The following MCF2 variants were observed in gnomAD, a reference collection of about 807,000 sequenced individuals.
MCF2 encodes proto-oncogene DBL.
A neutral mutation model predicts 82.5 loss-of-function variants in MCF2; 44 were observed. The ratio of observed to expected loss-of-function variants is 0.53; its 90% CI spans 0.42 to 0.69. The LOEUF (loss-of-function observed/expected upper bound fraction) is 0.69, where lower values mean the gene tolerates loss of function less well. Ranked by LOEUF, MCF2 falls within the 30% of genes least tolerant of loss-of-function variation. The pLI is 0.00. For missense variants in MCF2, 623 were observed against 663.1 expected (o/e 0.94, Z 0.66); for synonymous variants, 217 against 224.9 (o/e 0.96, Z 0.32).
At chrX:139,588,381 TCAA>T in exon 21 of MCF2, 1 of 1,207,290 alleles carries the variant, frequency 8.3e-7, no homozygotes, top group Non-Finnish European at 1.1e-6. Flanking sequence ...TCCTGCTGCT[TCAA>T]CAAAATATTT....
intron 1 of MCF2, among the ~76,000 whole-genome samples, chrX:139,683,731 G>A (rs1428811076): frequency 9.0e-6 from 1 of 111,716 alleles, no homozygotes; most frequent in East Asian, 2.8e-4. Context: ...AACGGGGAAA[G>A]GATATTCTTT....
intron 21 of MCF2, 116 bp downstream of exon 25, chrX:139,588,244 C>A: frequency 2.1e-6 from 1 of 474,665 alleles, no homozygotes. Flanking sequence ...CAAATCTTCT[C>A]ATTGTAATAG....
At chrX:139,642,382 G>T in intron 1 of MCF2, 2 of 1,148,592 alleles carry the variant, frequency 1.7e-6, no homozygotes, top group Non-Finnish European at 2.4e-6. Flanking sequence ...ACCCTACTCA[G>T]CAGTTTGTGC....
intron 24 of MCF2, among the ~76,000 whole-genome samples, chrX:139,583,837 C>A (rs1364891191): frequency 9.0e-6 from 1 of 111,610 alleles, no homozygotes; most frequent in Non-Finnish European, 1.9e-5. Context: ...GATGTAAAGG[C>A]TTCTTTCATT....
intron 1 of MCF2, among the ~76,000 whole-genome samples, chrX:139,634,761 C>T (rs775571766): frequency 2.7e-5 from 3 of 111,231 alleles, no homozygotes; most frequent in Admixed American, 1.9e-4. Context: ...TTTTCCTACA[C>T]GGCCCTGCCC....
In MCF2 at chrX:139,651,439, T is replaced by C. The variant is rs192133147; in HGVS notation, c.25+281A>G. Among the ~76,000 whole-genome samples, 24 of 111,514 alleles carry C rather than the reference T, an allele frequency of 2.2e-4. No homozygotes were observed. In the East Asian group the frequency reaches 6.5e-3, roughly 30 times the overall value. ...AGACATATTCTACTTTCAACTATCA[T>C]AGATTTCTGAAGACTCGTCTGAAAG... is the stretch of plus-strand genomic sequence containing the variant. On this transcript the variant is annotated intron_variant, in intron 2 of 27. Transcript: ENST00000414978.
At chrX:139,636,792 A>T (rs1391725642) in intron 1 of MCF2, among the ~76,000 whole-genome samples, 1 of 111,913 alleles carries the variant, frequency 8.9e-6, no homozygotes, top group Non-Finnish European at 1.9e-5. Flanking sequence ...AGGGGTATTC[A>T]GCTGCTCATA....
At chrX:139,688,101 C>T (rs1427580565) in intron 1 of MCF2, among the ~76,000 whole-genome samples, 1 of 111,503 alleles carries the variant, frequency 9.0e-6, no homozygotes, top group Non-Finnish European at 1.9e-5. Context: ...GAGAGGAAAT[C>T]TACGGAAAAG....
At chrX:139,604,739 C>A (rs1031276028) in exon 15 of MCF2, 1 of 1,194,590 alleles carries the variant, frequency 8.4e-7, no homozygotes, top group East Asian at 3.0e-5. Context: ...TTCCAGGCTG[C>A]TCAAGAAAAT....
At chrX:139,706,016 A>C (rs1935583302) in intron 1 of MCF2, among the ~76,000 whole-genome samples, 1 of 112,680 alleles carries the variant, frequency 8.9e-6, no homozygotes, top group Non-Finnish European at 1.9e-5. Flanking sequence ...ACAATGAGAT[A>C]CCATCTCACA....
chrX:139,582,466 C>T, exon 25 of MCF2: 1 of 1,209,873 alleles, frequency 8.3e-7, no homozygotes, highest in South Asian at 1.8e-5. Context: ...GACATAGTAG[C>T]TTCATCAATA....
Position 139,614,870 on chromosome X carries a change from A to C in MCF2, c.1363+11T>G. 8.4e-7 allele frequency: 1 copy of C among 1,189,347 alleles called. No individual in the cohort carries two copies. Among genetic ancestry groups the C allele is most frequent in the Non-Finnish European group, 1.1e-6 (1 of 881,109 alleles). ...AAGAAAAAAAGAGACAGAGAAAGTA[A>C]GACATTTTACCTTGTTTAGATGAAA... On this transcript the variant is annotated intron_variant, in intron 10 of 24. Coordinates refer to ENST00000370576, the Ensembl canonical transcript of MCF2.
At chrX:139,613,074 T>A (rs1931622164) in intron 10 of MCF2, 142 bp downstream of exon 14, 1 of 415,592 alleles carries the variant, frequency 2.4e-6, no homozygotes, top group Admixed American at 4.2e-5. Flanking sequence ...AATGGATGGT[T>A]ATTATGAAAA....
intron 4 of MCF2, 64 bp from the exon 8 acceptor site, chrX:139,626,820 A>G: frequency 4.1e-6 from 4 of 972,932 alleles, no homozygotes; most frequent in Non-Finnish European, 4.3e-6. Flanking sequence ...TGTGATGGGA[A>G]GGGAGCATAC....
At chrX:139,688,784 A>G (rs1039578108) in intron 1 of MCF2, among the ~76,000 whole-genome samples, 2 of 111,530 alleles carry the variant, frequency 1.8e-5, no homozygotes, top group Non-Finnish European at 3.8e-5. Context: ...TTGCTGAGTT[A>G]TCAATATAGC....
intron 1 of MCF2, among the ~76,000 whole-genome samples, chrX:139,668,918 T>C (rs1934603727): frequency 9.0e-6 from 1 of 111,322 alleles, no homozygotes. Flanking sequence ...AACACCAAAA[T>C]GTAGCAGCTA....
chrX:139,592,611 C>T (rs967433745), intron 19 of MCF2, among the ~76,000 whole-genome samples: 1 of 111,570 alleles, frequency 9.0e-6, no homozygotes, highest in African/African-American at 3.3e-5. Context: ...CCCTCTCTGA[C>T]ATGGATTACA....
chrX:139,643,748 T>A (rs1346067638), upstream of MCF2, among the ~76,000 whole-genome samples: 1 of 110,897 alleles, frequency 9.0e-6, no homozygotes, highest in Non-Finnish European at 1.9e-5. Flanking sequence ...TCTGTTGACT[T>A]CAAAATGACA....
At chrX:139,616,563 G>T in intron 8 of MCF2, 90 bp from the exon 12 acceptor site, 1 of 488,446 alleles carries the variant, frequency 2.0e-6, no homozygotes, top group Non-Finnish European at 3.2e-6. Context: ...CTCAGCCTCT[G>T]GCTTCCGTGA....
Sources: allele counts gnomAD v4.1 joint callset (sites outside exome capture counted in the v4.1 genomes callset), GRCh38; gene constraint gnomAD v4.1.1; transcripts MANE v1.5; gene names NCBI Gene and HGNC (gene_info 2026-07-23, HGNC 2026-07-21).